ATF7: variants seen among roughly 807,000 people sequenced by gnomAD.
ATF7 encodes activating transcription factor 7, also known as cyclic AMP-dependent transcription factor ATF-7.
A neutral mutation model predicts 50.4 loss-of-function variants in ATF7; 10 were observed. The ratio of observed to expected loss-of-function variants is 0.20; its 90% CI spans 0.12 to 0.34. The LOEUF (loss-of-function observed/expected upper bound fraction) is 0.34. Among genes scored for constraint, ATF7 ranks in the 10% least tolerant of loss-of-function variants. The pLI is 1.00. For synonymous variants in ATF7, 201 were observed against 226.4 expected, an observed-to-expected ratio of 0.89 and a Z score of 1.01; for missense variants, 465 against 613.9, an observed-to-expected ratio of 0.76 and a Z score of 2.56.
chr12:53,577,902 A>G (rs976129848), intron 2 of ATF7, among the ~76,000 whole-genome samples: 1 of 152,140 alleles, frequency 6.6e-6, no homozygotes, highest in African/African-American at 2.4e-5. Flanking sequence ...ACCTAGATAT[A>G]TCATATCCAA....
chr12:53,511,195 A>G (rs1402999108), downstream of ATF7, among the ~76,000 whole-genome samples: 1 of 152,220 alleles, frequency 6.6e-6, no homozygotes, highest in Non-Finnish European at 1.5e-5. Flanking sequence ...TGATTTCCCT[A>G]CACCTCTTCC....
chr12:53,620,824 TG>T (rs1944350994), intron 1 of ATF7, among the ~76,000 whole-genome samples: 1 of 150,920 alleles, frequency 6.6e-6, no homozygotes, highest in Non-Finnish European at 1.5e-5. Flanking sequence ...CCTGCAACTA[TG>T]AAGAAATATG....
chr12:53,583,623 A>C (rs1233740983), intron 2 of ATF7, among the ~76,000 whole-genome samples: 1 of 152,180 alleles, frequency 6.6e-6, no homozygotes, highest in Non-Finnish European at 1.5e-5. Context: ...CCACTGACCT[A>C]GATGACTTTT....
rs181717310 is a variant in ATF7 at position 53,540,618 on chromosome 12, C to T, written c.264+2712G>A. Among the ~76,000 whole-genome samples, 47 of 151,120 alleles carry T rather than the reference C, an allele frequency of 3.1e-4. 1 individual carries two copies. The highest frequency in any genetic ancestry group is 1.1e-3 in the African/African-American group (46 of 41,178). On this transcript the variant is annotated intron_variant, in intron 4 of 11. Transcript: ENST00000420353. The stretch of plus-strand genomic sequence containing the variant: ...GCATGCACCTGTAATCCCAGGTACT[C>T]GGGAGGCTGAGGCAGGAGAATCGCT...
At chr12:53,569,686 T>C (rs575736589) in intron 2 of ATF7, among the ~76,000 whole-genome samples, 17 of 152,168 alleles carry the variant, frequency 1.1e-4, no homozygotes, top group African/African-American at 4.1e-4. Context: ...TTTTAATTTT[T>C]TTTTTTGAGA....
intron 1 of ATF7, among the ~76,000 whole-genome samples, chr12:53,624,770 T>C (rs955394337): frequency 6.6e-6 from 1 of 152,258 alleles, no homozygotes; most frequent in Non-Finnish European, 1.5e-5. Context: ...TTTTTCACTT[T>C]CCTGAAATAA....
At chr12:53,534,209 G>T (rs1360068184) in intron 6 of ATF7, among the ~76,000 whole-genome samples, 2 of 152,106 alleles carry the variant, frequency 1.3e-5, no homozygotes, top group Non-Finnish European at 2.9e-5. Flanking sequence ...CCCGGGAGAC[G>T]GAGCTTGCAG....
intron 2 of ATF7, among the ~76,000 whole-genome samples, chr12:53,560,337 C>G (rs957980249): frequency 5.3e-5 from 8 of 151,768 alleles, no homozygotes; most frequent in Non-Finnish European, 1.0e-4. Context: ...CAGTTCTTTT[C>G]CTAACCTCAT....
intron 2 of ATF7, among the ~76,000 whole-genome samples, chr12:53,559,910 C>CT (rs1310998431): frequency 6.6e-6 from 1 of 152,054 alleles, no homozygotes; most frequent in Admixed American, 6.6e-5. Context: ...CTCCTCTTTA[C>CT]TTTTTTAAAA....
intron 10 of ATF7, among the ~76,000 whole-genome samples, chr12:53,523,672 A>C (rs1938255670): frequency 6.6e-6 from 1 of 152,256 alleles, no homozygotes; most frequent in African/African-American, 2.4e-5. Flanking sequence ...TCTTTGACTA[A>C]GAAAGCCTAC....
intron 2 of ATF7, among the ~76,000 whole-genome samples, chr12:53,584,978 T>C (rs1363158137): frequency 3.9e-5 from 6 of 152,002 alleles, no homozygotes; most frequent in Non-Finnish European, 2.9e-5. Flanking sequence ...TACGTGTCAT[T>C]TTATATATTG....
At chr12:53,579,639 C>T (rs187999048) in intron 2 of ATF7, among the ~76,000 whole-genome samples, 1 of 151,500 alleles carries the variant, frequency 6.6e-6, no homozygotes, top group East Asian at 1.9e-4. Flanking sequence ...CTTTAGGGAA[C>T]TATCTGTGCC....
At chr12:53,625,088 G>A (rs1944551191) in intron 1 of ATF7, among the ~76,000 whole-genome samples, 1 of 152,082 alleles carries the variant, frequency 6.6e-6, no homozygotes, top group Non-Finnish European at 1.5e-5. Context: ...CTGTTAAGCA[G>A]AAAACAAACT....
At chr12:53,510,347 A>G (rs985503500), downstream of ATF7, among the ~76,000 whole-genome samples, 3 of 152,130 alleles carry the variant, frequency 2.0e-5, no homozygotes, top group Admixed American at 6.5e-5. Context: ...CCAGTTTACC[A>G]CTTCTTAAAA....
chr12:53,548,993 A>G (rs1218858810), intron 3 of ATF7, among the ~76,000 whole-genome samples: 1 of 150,894 alleles, frequency 6.6e-6, no homozygotes, highest in Non-Finnish European at 1.5e-5. Context: ...TCCAAAAAAT[A>G]CCCCCCAAAA....
At chr12:53,604,070 A>G (rs1943507495) in intron 1 of ATF7, among the ~76,000 whole-genome samples, 1 of 152,198 alleles carries the variant, frequency 6.6e-6, no homozygotes, top group South Asian at 2.1e-4. Context: ...CCTATTCTTC[A>G]GGATGAAACA....
chr12:53,538,173 A>C (rs1204147990), intron 4 of ATF7, among the ~76,000 whole-genome samples: 1 of 152,228 alleles, frequency 6.6e-6, no homozygotes, highest in Non-Finnish European at 1.5e-5. Flanking sequence ...ATGCCATTTA[A>C]ATCCATGCAA....
intron 2 of ATF7, among the ~76,000 whole-genome samples, chr12:53,595,302 G>A (rs770722772): frequency 2.0e-5 from 3 of 152,206 alleles, no homozygotes; most frequent in East Asian, 1.9e-4. Context: ...GCTTCCCCTC[G>A]TAATTCTCCA....
rs1366054039 is a variant in ATF7, at chr12:53,560,018, G to A, written c.49-7381C>T. Reference sequence around the variant, plus strand: ...GCTCACCGCAACCTCCGCCTCCTGGGTTCAAGTGATTCTTCTGCCTCAGCC... The same window carrying A: ...GCTCACCGCAACCTCCGCCTCCTGGATTCAAGTGATTCTTCTGCCTCAGCC... On this transcript the variant is annotated intron_variant, in intron 2 of 11. Transcript: ENST00000420353. Among the ~76,000 whole-genome samples the A allele has an allele frequency of 2.0e-5, 3 of 152,000 alleles. No homozygotes were observed. The East Asian group carries it at 5.8e-4, about 29-fold the overall frequency.
Sources: gnomAD v4.1 joint callset for allele counts (sites outside exome capture counted in the v4.1 genomes callset) on GRCh38, gnomAD v4.1.1 for gene constraint, MANE v1.5 for transcripts, NCBI Gene and HGNC (gene_info 2026-07-23, HGNC 2026-07-21) for gene names.